The following CFAP69 variants were observed in gnomAD, a reference collection of about 807,000 sequenced individuals.
The protein encoded by CFAP69 is cilia- and flagella-associated protein 69.
CFAP69 carries 92 observed loss-of-function variants against 123.0 expected under a neutral mutation model. That is an observed-to-expected ratio of 0.75 (90% CI 0.63 to 0.89). CFAP69 has a LOEUF of 0.89. CFAP69 is among the 40% of genes least tolerant of loss of function. CFAP69 has a pLI of 0.00. For synonymous variants in CFAP69, 380 were observed against 364.3 expected (o/e 1.04, Z -0.49); for missense variants, 1,067 against 1,096.9 (o/e 0.97, Z 0.39).
At position 90,271,956 on chromosome 7, in the gene CFAP69, G is replaced by T. The variant is rs1185903111; in HGVS notation, c.858G>T (p.Leu286Phe). The T allele has an allele frequency of 6.2e-7, 1 of 1,609,960 alleles. No homozygotes were observed. The highest frequency in any genetic ancestry group is 8.5e-7 in the Non-Finnish European group (1 of 1,178,078). ...AACAGCTTAGTAACTTGGAATGTTTGCTGTAAGCGTATGTGGTTAGATAGG... is the reference window on the plus strand; with the variant it reads ...AACAGCTTAGTAACTTGGAATGTTTTCTGTAAGCGTATGTGGTTAGATAGG... The part of the protein sequence containing the change: ...VIQQLSNLEC[L>F]LALKEVFKNL... Residue 286 changes from leucine (L) to phenylalanine (F), a missense_variant and splice_region_variant, in exon 8 of 23, where the codon TTG (leucine) becomes TTT (phenylalanine). Leu to Phe is a conservative substitution (Grantham distance 22). Coordinates refer to ENST00000389297, the MANE Select transcript of CFAP69 (RefSeq NM_001039706.3).
intron 12 of CFAP69, 36 bp downstream of exon 12, chr7:90,279,929 A>G: frequency 6.8e-7 from 1 of 1,480,506 alleles, no homozygotes; most frequent in African/African-American, 1.4e-5. Context: ...CAAAATTCTA[A>G]TCTTCATATT....
At chr7:90,255,990 T>G (rs547338329) in intron 2 of CFAP69, among the ~76,000 whole-genome samples, 1 of 152,322 alleles carries the variant, frequency 6.6e-6, no homozygotes, top group Admixed American at 6.5e-5. Flanking sequence ...ACAACAAATG[T>G]ATATGCACAC....
chr7:90,292,621 A>G (rs1791360058), intron 15 of CFAP69, among the ~76,000 whole-genome samples: 2 of 152,204 alleles, frequency 1.3e-5, no homozygotes, highest in Non-Finnish European at 2.9e-5. Flanking sequence ...AAAAACAAAT[A>G]TGCTCCAAAT....
At chr7:90,280,852 C>A (rs1395252664) in intron 12 of CFAP69, among the ~76,000 whole-genome samples, 1 of 152,152 alleles carries the variant, frequency 6.6e-6, no homozygotes, top group Non-Finnish European at 1.5e-5. Context: ...AAGAATATCA[C>A]CCATTTATGC....
At chr7:90,284,181 C>G (rs1789910739) in intron 13 of CFAP69, among the ~76,000 whole-genome samples, 1 of 152,030 alleles carries the variant, frequency 6.6e-6, no homozygotes, top group South Asian at 2.1e-4. Flanking sequence ...AACCTTTTCC[C>G]TTTAACCGGA....
At chr7:90,321,091 C>G in the CFAP69 span, 3 of 152,320 alleles carry the variant, frequency 2.0e-5, no homozygotes, top group South Asian at 2.1e-4. Flanking sequence ...CTGCCCAGGG[C>G]GCCCTCTGCC....
intron 19 of CFAP69, among the ~76,000 whole-genome samples, chr7:90,305,339 T>TA (rs1214395186): frequency 1.6e-3 from 104 of 65,140 alleles, no homozygotes; most frequent in South Asian, 3.7e-3. Flanking sequence ...AGACTCCGTC[T>TA]AAAAAAAAAA....
Position 90,304,100 on chromosome 7 carries a change from A to C in CFAP69, c.2182A>C (p.Lys728Gln), listed in dbSNP as rs1793206387. 1.3e-6 allele frequency: 2 copies of C among 1,546,896 alleles called. No individual in the cohort carries two copies. Among genetic ancestry groups the C allele is most frequent in the Non-Finnish European group, 1.7e-6 (2 of 1,144,684 alleles). Residue 728 changes from lysine (K) to glutamine (Q), a missense_variant, in exon 18 of 23, where the codon AAA (lysine) becomes CAA (glutamine). Lys to Gln is a moderately conservative substitution (Grantham distance 53). Coordinates refer to ENST00000389297, the MANE Select transcript of CFAP69 (RefSeq NM_001039706.3). ...AGCAAAAATTTATGCTATATTGGGC[A>C]AACTAGGTAAGAAGTTCTCTTCAAA... ...IRAKIYAILG[K>Q]LDFENLPGLS...
intron 13 of CFAP69, among the ~76,000 whole-genome samples, chr7:90,283,956 A>T (rs148427361): frequency 6.6e-6 from 1 of 152,088 alleles, no homozygotes; most frequent in Non-Finnish European, 1.5e-5. Flanking sequence ...AGGTGAAAAC[A>T]TTTACCTTTT....
At chr7:90,319,705 C>T in the CFAP69 span, 1 of 398,484 alleles carries the variant, frequency 2.5e-6, no homozygotes, top group Non-Finnish European at 4.4e-6. Flanking sequence ...CAGCATCATG[C>T]AGCCCAAATG....
intron 15 of CFAP69, among the ~76,000 whole-genome samples, chr7:90,291,241 T>C (rs1206065224): frequency 1.3e-5 from 2 of 152,174 alleles, no homozygotes; most frequent in Admixed American, 1.3e-4. Flanking sequence ...TTCTTGATGA[T>C]ATGCCAAACA....
Position 90,274,042 on chromosome 7 carries a change from C to T in CFAP69, c.916C>T (p.Arg306Cys), listed in dbSNP as rs17866223. The T allele has an allele frequency of 2.7e-3, 4,375 of 1,605,316 alleles. 127 individuals are homozygous for T. The African/African-American group carries it at 0.052, about 19-fold the overall frequency. Residue 306 changes from arginine to cysteine, a missense_variant, in exon 9 of 23, where the codon CGT (arginine) becomes TGT (cysteine). Coordinates refer to ENST00000389297, the MANE Select transcript of CFAP69 (RefSeq NM_001039706.3). ...LFMRGFSHYD[R>C]QLRNDILVIT... ...TATGAGAGGTTTCAGTCATTATGAC[C>T]GTCAGCTTAGAAATGACATATTAGT... is the stretch of plus-strand genomic sequence containing the variant.
downstream of CFAP69, among the ~76,000 whole-genome samples, chr7:90,315,848 T>C (rs1292395151): frequency 6.6e-6 from 1 of 152,180 alleles, no homozygotes; most frequent in Non-Finnish European, 1.5e-5. Flanking sequence ...ATCCCAGCAC[T>C]TTGGGAGGCA....
chr7:90,251,072 T>C (rs1796951430), intron 1 of CFAP69, among the ~76,000 whole-genome samples: 1 of 151,936 alleles, frequency 6.6e-6, no homozygotes. Context: ...TCCAAATCAG[T>C]CTCACACAGC....
At chr7:90,246,136 A>G (rs1796290916) in intron 1 of CFAP69, among the ~76,000 whole-genome samples, 1 of 152,164 alleles carries the variant, frequency 6.6e-6, no homozygotes, top group Non-Finnish European at 1.5e-5. Flanking sequence ...TTGTTTTATT[A>G]TGCTTGTACT....
chr7:90,288,320 T>C lies in CFAP69; in HGVS notation c.1743T>C (p.Asn581=), dbSNP rs928230431. The C allele has an allele frequency of 3.1e-6, 5 of 1,611,684 alleles. No individual in the cohort carries two copies. In the Admixed American group the frequency reaches 5.0e-5, roughly 16 times the overall value. Reference sequence around the variant, plus strand: ...AGTTACAGAGTGGCTTAGGCTATAATGTACTTCTTTTTAGTACATTGGACA... The same window carrying C: ...AGTTACAGAGTGGCTTAGGCTATAACGTACTTCTTTTTAGTACATTGGACA... ...PRKLQSGLGY[N]VLLFSTLDSI... Residue 581 remains asparagine, a synonymous_variant, in exon 15 of 23, where the codon AAT becomes AAC. Transcript: ENST00000389297.
At chr7:90,308,384 C>A (rs936526645) in intron 21 of CFAP69, among the ~76,000 whole-genome samples, 1 of 152,098 alleles carries the variant, frequency 6.6e-6, no homozygotes, top group South Asian at 2.1e-4. Context: ...TAGTGCTAAT[C>A]GTTCACTTGA....
chr7:90,317,660 A>G, the CFAP69 span: 5 of 152,304 alleles, frequency 3.3e-5, no homozygotes, highest in South Asian at 1.0e-3. Flanking sequence ...GAGTGTTTAT[A>G]TATAAAACCC....
chr7:90,311,218 C>T (rs914515961), downstream of CFAP69, among the ~76,000 whole-genome samples: 1 of 152,052 alleles, frequency 6.6e-6, no homozygotes, highest in African/African-American at 2.4e-5. Flanking sequence ...CTTATGAAGT[C>T]TCCCTCTCCT....
Sources: gnomAD v4.1 joint callset for allele counts (sites outside exome capture counted in the v4.1 genomes callset) on GRCh38, gnomAD v4.1.1 for gene constraint, MANE v1.5 for transcripts, NCBI Gene and HGNC (gene_info 2026-07-23, HGNC 2026-07-21) for gene names.